Variants in ITGA8 observed in about 807,000 individuals in gnomAD.
ITGA8 encodes integrin alpha-8.
Under a neutral mutation model 142.3 loss-of-function variants are expected in ITGA8, and 91 were observed. That is an observed-to-expected ratio of 0.64 (90% CI 0.54 to 0.76). The LOEUF (loss-of-function observed/expected upper bound fraction) is 0.76. ITGA8 is among the 30% of genes least tolerant of loss of function. The pLI, the probability that ITGA8 is intolerant of heterozygous loss-of-function variation, is 0.00. For missense variants in ITGA8, 1,406 were observed against 1,327.7 expected, an observed-to-expected ratio of 1.06 and a Z score of -0.92; for synonymous variants, 505 against 485.2, an observed-to-expected ratio of 1.04 and a Z score of -0.54.
intron 20 of ITGA8, among the ~76,000 whole-genome samples, chr10:15,601,599 AATG>A (rs946916424): frequency 3.5e-4 from 53 of 152,196 alleles, no homozygotes; most frequent in African/African-American, 1.1e-3. Flanking sequence ...CTACTATCAT[AATG>A]ATGATGATGA....
Position 15,616,606 on chromosome 10 carries a change from C to A in ITGA8, c.1400-47G>T. 2.0e-6 allele frequency: 3 copies of A among 1,516,468 alleles called. No homozygotes were observed. The South Asian group carries it at 3.4e-5, about 17-fold the overall frequency. The allele number at this position is 1,516,468 out of a possible 1,614,324, so 93.9% of individuals were successfully genotyped here. On this transcript the variant is annotated intron_variant, in intron 13 of 29. Transcript: ENST00000378076. ...AACACATGCGTGAATCGTATAGAAA[C>A]AATTTACTAAGTTCAAAATCGTAAG...
intron 2 of ITGA8, among the ~76,000 whole-genome samples, chr10:15,704,120 A>T (rs546294037): frequency 1.3e-5 from 2 of 152,152 alleles, no homozygotes; most frequent in East Asian, 3.9e-4. Context: ...ATGAGTCATC[A>T]ATTCTTGTTG....
chr10:15,564,563 A>G (rs532352444), intron 25 of ITGA8, among the ~76,000 whole-genome samples: 1 of 152,332 alleles, frequency 6.6e-6, no homozygotes, highest in Non-Finnish European at 1.5e-5. Flanking sequence ...TACAGCTGCT[A>G]CTCAGAATTT....
intron 1 of ITGA8, 106 bp downstream of exon 1, chr10:15,719,457 A>C: frequency 9.9e-7 from 1 of 1,015,152 alleles, no homozygotes; most frequent in Non-Finnish European, 1.4e-6. Flanking sequence ...GGCAGGCGGC[A>C]GGACGGGGAT....
At chr10:15,612,684 T>C (rs539028333) in intron 15 of ITGA8, among the ~76,000 whole-genome samples, 2 of 152,306 alleles carry the variant, frequency 1.3e-5, no homozygotes, top group Non-Finnish European at 2.9e-5. Flanking sequence ...AAAGCCTCCA[T>C]CATCCAGCAA....
chr10:15,690,056 C>T (rs549641195), intron 2 of ITGA8, among the ~76,000 whole-genome samples: 3 of 152,214 alleles, frequency 2.0e-5, no homozygotes, highest in South Asian at 2.1e-4. Flanking sequence ...CCACCCTCTC[C>T]GGGAAACTTA....
At chr10:15,711,087 G>T (rs1308495907) in intron 2 of ITGA8, among the ~76,000 whole-genome samples, 1 of 152,120 alleles carries the variant, frequency 6.6e-6, no homozygotes, top group African/African-American at 2.4e-5. Context: ...TCTCTTCAGT[G>T]ACTACCAGTG....
chr10:15,642,574 T>C (rs1833890761), intron 13 of ITGA8, among the ~76,000 whole-genome samples: 1 of 152,212 alleles, frequency 6.6e-6, no homozygotes, highest in African/African-American at 2.4e-5. Context: ...ATATTATGTA[T>C]ACAAACCTCT....
At chr10:15,659,411 C>T (rs1261394971) in intron 9 of ITGA8, among the ~76,000 whole-genome samples, 1 of 152,160 alleles carries the variant, frequency 6.6e-6, no homozygotes, top group Non-Finnish European at 1.5e-5. Flanking sequence ...ATAAATTGAT[C>T]ATTATGGTTC....
chr10:15,699,954 C>A (rs1236766109), intron 2 of ITGA8, among the ~76,000 whole-genome samples: 1 of 152,222 alleles, frequency 6.6e-6, no homozygotes, highest in African/African-American at 2.4e-5. Flanking sequence ...TCACTTTTTT[C>A]TTTCTGTGAA....
chr10:15,663,248 T>A (rs1834323157), intron 8 of ITGA8, among the ~76,000 whole-genome samples: 1 of 152,244 alleles, frequency 6.6e-6, no homozygotes, highest in African/African-American at 2.4e-5. Context: ...ATAGTGCTTT[T>A]ATTTTAGATA....
chr10:15,595,768 T>C (rs1012568394), intron 21 of ITGA8, among the ~76,000 whole-genome samples: 7 of 152,166 alleles, frequency 4.6e-5, no homozygotes, highest in Non-Finnish European at 1.0e-4. Flanking sequence ...CTCTTCATAT[T>C]AAATTAGGCC....
At chr10:15,663,378 C>G (rs951859593) in intron 8 of ITGA8, among the ~76,000 whole-genome samples, 1 of 152,024 alleles carries the variant, frequency 6.6e-6, no homozygotes, top group Non-Finnish European at 1.5e-5. Context: ...TAGATAGCCT[C>G]AAAACACAAA....
chr10:15,671,490 T>C, intron 8 of ITGA8, 113 bp downstream of exon 8: 1 of 831,798 alleles, frequency 1.2e-6, no homozygotes, highest in Non-Finnish European at 2.0e-6. Flanking sequence ...TGGGACTCCA[T>C]TAATATCCCT....
chr10:15,717,936 T>G (rs1835483936), intron 2 of ITGA8, among the ~76,000 whole-genome samples: 1 of 152,270 alleles, frequency 6.6e-6, no homozygotes, highest in African/African-American at 2.4e-5. Flanking sequence ...CAAGGTATTT[T>G]AAACGATTAT....
At chr10:15,627,997 A>G (rs997668483) in intron 13 of ITGA8, among the ~76,000 whole-genome samples, 3 of 152,018 alleles carry the variant, frequency 2.0e-5, no homozygotes, top group Non-Finnish European at 2.9e-5. Context: ...TGCTCATTAT[A>G]TGCTAATTAT....
chr10:15,519,227 A>T, intron 29 of ITGA8, 63 bp downstream of exon 29: 12 of 1,580,750 alleles, frequency 7.6e-6, no homozygotes, highest in African/African-American at 1.4e-5. Context: ...CCCTAACTGT[A>T]TCCCTCTAAA....
At position 15,663,285 on chromosome 10, in the gene ITGA8, A is replaced by G. The variant is rs75135809; in HGVS notation, c.848-2363T>C. Among the ~76,000 whole-genome samples, 1,360 of 152,196 alleles carry G rather than the reference A, an allele frequency of 8.9e-3. 18 individuals carry two copies. The highest frequency in any genetic ancestry group is 0.031 in the African/African-American group (1,292 of 41,510). Reference sequence around the variant, plus strand: ...CCTCAAAACACTTAAAACACAATCCATTTTCAGATATTTTATTTTAGATAT... The same window carrying G: ...CCTCAAAACACTTAAAACACAATCCGTTTTCAGATATTTTATTTTAGATAT... On this transcript the variant is annotated intron_variant, in intron 8 of 29. Transcript: ENST00000378076.
At position 15,694,265 on chromosome 10, in the gene ITGA8, A is replaced by ATATAT. The variant is rs1458479577; in HGVS notation, c.344-6228_344-6227insATATA. Among the ~76,000 whole-genome samples the ATATAT allele has an allele frequency of 1.3e-4, 13 of 99,458 alleles. 1 individual carries two copies. Among genetic ancestry groups the ATATAT allele is most frequent in the African/African-American group, 3.8e-4 (11 of 28,902 alleles). 65.2% of individuals were successfully genotyped at this position (99,458 alleles called of 152,430 possible). A position where few individuals can be genotyped will look rare whatever the true frequency, so the allele number is the denominator to read the frequency against. ...TCATATATATGATAACATATACATC[A>ATATAT]GATAATATATCATACATCAGATAAT... On this transcript the variant is annotated intron_variant, in intron 2 of 29. Coordinates refer to ENST00000378076, the MANE Select transcript of ITGA8 (RefSeq NM_003638.3).
Sources: allele counts gnomAD v4.1 joint callset (sites outside exome capture counted in the v4.1 genomes callset), GRCh38; gene constraint gnomAD v4.1.1; transcripts MANE v1.5; gene names NCBI Gene and HGNC (gene_info 2026-07-23, HGNC 2026-07-21).